The following CFAP61 variants were observed in gnomAD, a reference collection of about 807,000 sequenced individuals.
The protein encoded by CFAP61 is cilia- and flagella-associated protein 61.
Under a neutral mutation model 135.6 loss-of-function variants are expected in CFAP61, and 107 were observed. The ratio of observed to expected loss-of-function variants is 0.79; its 90% confidence interval spans 0.67 to 0.93. The LOEUF is 0.93. Ranked by LOEUF, CFAP61 falls within the 40% of genes least tolerant of loss-of-function variation. The pLI is 0.00. For missense variants in CFAP61, 1,507 were observed against 1,556.2 expected, an observed-to-expected ratio of 0.97 and a Z score of 0.53; for synonymous variants, 575 against 578.5, an observed-to-expected ratio of 0.99 and a Z score of 0.09.
intron 1 of CFAP61, chr20:20,052,853 C>T: frequency 3.6e-6 from 3 of 841,840 alleles, no homozygotes. Context: ...ATGCCTCGAG[C>T]ATTGCATTCT....
chr20:20,350,445 G>A (rs757436128), intron 26 of CFAP61, among the ~76,000 whole-genome samples: 34 of 152,118 alleles, frequency 2.2e-4, no homozygotes, highest in African/African-American at 6.8e-4. Flanking sequence ...CCTGGCCAAC[G>A]TGGTGAAACC....
At chr20:20,213,722 T>C (rs1055611249) in intron 17 of CFAP61, among the ~76,000 whole-genome samples, 1 of 152,226 alleles carries the variant, frequency 6.6e-6, no homozygotes, top group African/African-American at 2.4e-5. Context: ...CTGTTTCATG[T>C]AATTATGTAA....
At chr20:20,074,001 TC>T in intron 3 of CFAP61, 1 of 363,942 alleles carries the variant, frequency 2.7e-6, no homozygotes, top group South Asian at 3.9e-5. Context: ...TCGATTTCAC[TC>T]CCCTGCAGGC....
At chr20:20,052,715 G>C in intron 1 of CFAP61, 124 bp downstream of exon 1, 1 of 1,608,340 alleles carries the variant, frequency 6.2e-7, no homozygotes, top group Non-Finnish European at 8.5e-7. Flanking sequence ...CTGTCGAGCC[G>C]TGGCGCCCTG....
At chr20:20,353,413 T>G (rs1602153480) in intron 26 of CFAP61, among the ~76,000 whole-genome samples, 2 of 152,318 alleles carry the variant, frequency 1.3e-5, no homozygotes, top group Admixed American at 6.5e-5. Flanking sequence ...CTTTGTACCC[T>G]GAGCTGCCGG....
At chr20:20,355,085 GGA>G (rs2059028911) in intron 26 of CFAP61, among the ~76,000 whole-genome samples, 1 of 144,310 alleles carries the variant, frequency 6.9e-6, no homozygotes, top group Non-Finnish European at 1.5e-5. Context: ...ACTGTGAGAG[GGA>G]AGGTGGTCAC....
chr20:20,185,672 A>C (rs905816315), intron 13 of CFAP61, among the ~76,000 whole-genome samples: 2 of 152,308 alleles, frequency 1.3e-5, no homozygotes, highest in African/African-American at 4.8e-5. Context: ...AAGTTTATCC[A>C]TATCTTCCAC....
At chr20:20,358,740 GC>G (rs1569337312) in intron 26 of CFAP61, among the ~76,000 whole-genome samples, 2 of 152,186 alleles carry the variant, frequency 1.3e-5, no homozygotes. Flanking sequence ...GTCTTGCTTA[GC>G]CAAGTGGCAA....
At chr20:20,224,080 C>T (rs1661979008) in intron 17 of CFAP61, among the ~76,000 whole-genome samples, 1 of 152,128 alleles carries the variant, frequency 6.6e-6, no homozygotes, top group South Asian at 2.1e-4. Flanking sequence ...TAAAATACAG[C>T]AAATGCTCAA....
chr20:20,342,215 A>G (rs1395840133), intron 26 of CFAP61, among the ~76,000 whole-genome samples: 1 of 152,194 alleles, frequency 6.6e-6, no homozygotes. Flanking sequence ...AGTTGCATCT[A>G]CTTGCCCTCA....
intron 25 of CFAP61, among the ~76,000 whole-genome samples, chr20:20,338,069 T>G (rs1180885855): frequency 6.6e-6 from 1 of 152,174 alleles, no homozygotes; most frequent in Non-Finnish European, 1.5e-5. Flanking sequence ...GCTACCATGA[T>G]ATTTATCACT....
chr20:20,207,636 T>A (rs1303553181), intron 17 of CFAP61, among the ~76,000 whole-genome samples: 2 of 152,228 alleles, frequency 1.3e-5, no homozygotes, highest in Non-Finnish European at 2.9e-5. Flanking sequence ...TTAAAGTAGC[T>A]GGGGATATAA....
intron 1 of CFAP61, among the ~76,000 whole-genome samples, chr20:20,055,721 G>T: frequency 6.6e-6 from 1 of 151,982 alleles, no homozygotes; most frequent in South Asian, 2.1e-4. Context: ...TTCCAATTTT[G>T]CTTTCAATTT....
intron 9 of CFAP61, among the ~76,000 whole-genome samples, chr20:20,158,741 G>A (rs2053159423): frequency 6.6e-6 from 1 of 152,236 alleles, no homozygotes; most frequent in Non-Finnish European, 1.5e-5. Context: ...GGTTGGCAGA[G>A]TAGAAAGGGT....
At chr20:20,199,473 A>C (rs988553034) in intron 16 of CFAP61, among the ~76,000 whole-genome samples, 3 of 152,198 alleles carry the variant, frequency 2.0e-5, no homozygotes, top group African/African-American at 7.2e-5. Context: ...GGAGAAGAAT[A>C]TCCTCCCGGG....
Position 20,181,437 on chromosome 20 carries a change from A to C in CFAP61, c.1386-6493A>C, listed in dbSNP as rs60827115. On this transcript the variant is annotated intron_variant, in intron 13 of 26. Coordinates refer to ENST00000245957, the MANE Select transcript of CFAP61 (RefSeq NM_015585.4). ...TAAATACTAGAAACCCTGATCCTTG[A>C]GGTCAAAGTCAGCCAAAAACAGGAA... 2.2e-3 allele frequency among the ~76,000 whole-genome samples: 330 copies of C among 152,066 alleles called. 11 individuals carry two copies. The East Asian group carries it at 0.05, about 23-fold the overall frequency.
intron 19 of CFAP61, 78 bp from the exon 20 acceptor site, chr20:20,251,517 G>C: frequency 2.8e-6 from 4 of 1,438,986 alleles, no homozygotes; most frequent in Non-Finnish European, 3.9e-6. Context: ...TAGGGGACTT[G>C]AACCAGCTCA....
At chr20:20,125,849 A>G (rs1448419235) in intron 8 of CFAP61, among the ~76,000 whole-genome samples, 1 of 151,768 alleles carries the variant, frequency 6.6e-6, no homozygotes, top group African/African-American at 2.4e-5. Flanking sequence ...GTTGCTGTCT[A>G]TCTCATTGCT....
intron 2 of CFAP61, among the ~76,000 whole-genome samples, chr20:20,061,363 TA>T (rs1480054382): frequency 1.3e-5 from 2 of 152,146 alleles, no homozygotes; most frequent in Admixed American, 1.3e-4. Flanking sequence ...AATCTTCCAT[TA>T]AAAGATTAAG....
Sources: allele counts gnomAD v4.1 joint callset (sites outside exome capture counted in the v4.1 genomes callset), GRCh38; gene constraint gnomAD v4.1.1; transcripts MANE v1.5; gene names NCBI Gene and HGNC (gene_info 2026-07-23, HGNC 2026-07-21).